Variants in SH3BGRL observed in about 807,000 individuals in gnomAD.
SH3BGRL encodes the protein SH3 domain binding glutamate rich protein like.
A neutral mutation model predicts 9.8 loss-of-function variants in SH3BGRL; 7 were observed. The observed-to-expected ratio is 0.72, with a 90% CI of 0.41 to 1.35. SH3BGRL has a LOEUF of 1.35. Among genes scored for constraint, SH3BGRL ranks in the 40% most tolerant of loss-of-function variants. The probability of loss-of-function intolerance (pLI) is 0.01; values close to 1 mark genes in which losing one functional copy is unlikely to be tolerated. For missense variants in SH3BGRL, 73 were observed against 84.4 expected (o/e 0.86, Z 0.53); for synonymous variants, 36 against 29.1 (o/e 1.24, Z -0.76).
intron 1 of SH3BGRL, among the ~76,000 whole-genome samples, chrX:81,264,346 T>G (rs2075749697): frequency 9.0e-6 from 1 of 111,248 alleles, no homozygotes; most frequent in South Asian, 3.8e-4. Context: ...TAAAGACCAT[T>G]AATAGCTCTG....
chrX:81,266,153 G>A (rs1462550609), intron 1 of SH3BGRL, among the ~76,000 whole-genome samples: 1 of 112,004 alleles, frequency 8.9e-6, no homozygotes, highest in Non-Finnish European at 1.9e-5. Flanking sequence ...TAGGTTGCCT[G>A]TTCACTCTGA....
At chrX:81,260,407 A>C (rs1430001294) in intron 1 of SH3BGRL, among the ~76,000 whole-genome samples, 1 of 111,858 alleles carries the variant, frequency 8.9e-6, no homozygotes, top group Non-Finnish European at 1.9e-5. Context: ...GAATTAAATA[A>C]AATAAGCATG....
intron 1 of SH3BGRL, among the ~76,000 whole-genome samples, chrX:81,215,466 C>T (rs949763026): frequency 1.3e-4 from 14 of 110,958 alleles, no homozygotes; most frequent in African/African-American, 3.9e-4. Flanking sequence ...ACCCAGGCTC[C>T]GAAGGACGAG....
rs1302008003 is a variant in SH3BGRL, at chrX:81,295,755, C to A, written c.313-1440C>A. The stretch of plus-strand genomic sequence containing the variant: ...CCATTACTCCAGTTTCAAATAAGTT[C>A]TTCATCTTCATCAGAGACCACCTCA... On this transcript the variant is annotated intron_variant, in intron 3 of 3. Coordinates refer to ENST00000373212, the MANE Select transcript of SH3BGRL (RefSeq NM_003022.3). Among the ~76,000 whole-genome samples the A allele has an allele frequency of 4.5e-5, 5 of 111,608 alleles. No individual in the cohort carries two copies. In the South Asian group the frequency reaches 1.1e-3, roughly 25 times the overall value.
At chrX:81,273,639 T>C (rs2075788262) in intron 1 of SH3BGRL, among the ~76,000 whole-genome samples, 1 of 87,461 alleles carries the variant, frequency 1.1e-5, no homozygotes, top group African/African-American at 4.5e-5. Context: ...ATTCCCACTT[T>C]GGTTAAATGG....
chrX:81,294,419 T>C (rs2075867610), intron 3 of SH3BGRL, among the ~76,000 whole-genome samples: 1 of 110,565 alleles, frequency 9.0e-6, no homozygotes, highest in African/African-American at 3.3e-5. Flanking sequence ...GCCATGGCTG[T>C]GGTGGGCACA....
intron 3 of SH3BGRL, among the ~76,000 whole-genome samples, chrX:81,279,694 C>A (rs1261284520): frequency 9.0e-6 from 1 of 111,120 alleles, no homozygotes; most frequent in African/African-American, 3.3e-5. Context: ...CTCGCTGGGT[C>A]CCCAGGCAGC....
chrX:81,292,914 G>C (rs2075862739), intron 3 of SH3BGRL, among the ~76,000 whole-genome samples: 1 of 111,061 alleles, frequency 9.0e-6, no homozygotes, highest in Non-Finnish European at 1.9e-5. Flanking sequence ...AGTGATAGCT[G>C]ATGAACTAAA....
chrX:81,211,502 G>A (rs1442921380), intron 1 of SH3BGRL, among the ~76,000 whole-genome samples: 1 of 110,675 alleles, frequency 9.0e-6, no homozygotes, highest in Non-Finnish European at 1.9e-5. Flanking sequence ...CAGGAGAATG[G>A]TGTGAACCCG....
intron 1 of SH3BGRL, among the ~76,000 whole-genome samples, chrX:81,274,525 T>A: frequency 9.2e-6 from 1 of 109,014 alleles, no homozygotes; most frequent in Middle Eastern, 4.7e-3. Flanking sequence ...GCAGAAGAAA[T>A]CACTTGAAGT....
chrX:81,217,432 T>C (rs1268577946), intron 1 of SH3BGRL, among the ~76,000 whole-genome samples: 1 of 111,018 alleles, frequency 9.0e-6, no homozygotes, highest in Non-Finnish European at 1.9e-5. Flanking sequence ...CTGCTTTTGC[T>C]GTTTGATAGT....
intron 1 of SH3BGRL, among the ~76,000 whole-genome samples, chrX:81,253,705 A>G (rs1007307263): frequency 8.9e-6 from 1 of 112,377 alleles, no homozygotes; most frequent in South Asian, 3.7e-4. Flanking sequence ...ACTTTATAAT[A>G]GTCAAAATAA....
chrX:81,214,920 A>G (rs2075576718), intron 1 of SH3BGRL, among the ~76,000 whole-genome samples: 2 of 111,575 alleles, frequency 1.8e-5, no homozygotes, highest in African/African-American at 3.2e-5. Flanking sequence ...ATAAGAAAGT[A>G]TAACTGATCT....
At chrX:81,281,069 GAAATT>G (rs2075815374) in intron 3 of SH3BGRL, among the ~76,000 whole-genome samples, 2 of 110,627 alleles carry the variant, frequency 1.8e-5, no homozygotes, top group South Asian at 7.7e-4. Context: ...GTAGAAGAAA[GAAATT>G]AAGAGCTCAA....
At chrX:81,266,600 T>C (rs1389218149) in intron 1 of SH3BGRL, among the ~76,000 whole-genome samples, 1 of 111,844 alleles carries the variant, frequency 8.9e-6, no homozygotes, top group African/African-American at 3.3e-5. Flanking sequence ...TCTGTTTTGG[T>C]TACTGTAGCC....
chrX:81,206,110 C>T (rs2075547256), intron 1 of SH3BGRL, among the ~76,000 whole-genome samples: 1 of 111,567 alleles, frequency 9.0e-6, no homozygotes, highest in Admixed American at 9.6e-5. Context: ...ATATATTCCA[C>T]ATATTAATCT....
chrX:81,277,004 T>C lies in SH3BGRL; in HGVS notation c.66T>C (p.Asp22=). 1 of 1,207,942 alleles carries C rather than the reference T, an allele frequency of 8.3e-7. No individual in the cohort carries two copies. Among genetic ancestry groups the C allele is most frequent in the Non-Finnish European group, 1.1e-6 (1 of 893,605 alleles). Residue 22 remains aspartate (D), a synonymous_variant, in exon 2 of 4, where the codon GAT becomes GAC. Transcript: ENST00000373212. Reference sequence around the variant, plus strand: ...CCTAGATTAAGAAGAAACAACAAGATGTGCTTGGTTTCCTAGAAGCCAACA... The same window carrying C: ...CCTAGATTAAGAAGAAACAACAAGACGTGCTTGGTTTCCTAGAAGCCAACA... The part of the protein sequence containing the change: ...GSTAIKKKQQ[D]VLGFLEANKI...
At chrX:81,211,533 T>G (rs192466727) in intron 1 of SH3BGRL, among the ~76,000 whole-genome samples, 1,992 of 109,108 alleles carry the variant, frequency 0.018, 47 homozygotes, top group African/African-American at 0.062. Context: ...CTTGCAGTGA[T>G]CCGAGATCGT....
At chrX:81,271,765 A>C (rs1258425981) in intron 1 of SH3BGRL, among the ~76,000 whole-genome samples, 1 of 111,521 alleles carries the variant, frequency 9.0e-6, no homozygotes, top group African/African-American at 3.3e-5. Context: ...GATACTCCTC[A>C]AGAAGAGCAA....
Sources: allele counts gnomAD v4.1 joint callset (sites outside exome capture counted in the v4.1 genomes callset), GRCh38; gene constraint gnomAD v4.1.1; transcripts MANE v1.5; gene names NCBI Gene and HGNC (gene_info 2026-07-23, HGNC 2026-07-21).